Variants in MBD3 observed in about 807,000 individuals in gnomAD.
The protein encoded by MBD3 is methyl-CpG-binding domain protein 3.
MBD3 carries 13 observed loss-of-function variants against 31.2 expected under a neutral mutation model. The observed-to-expected ratio is 0.42, with a 90% CI of 0.27 to 0.66. The LOEUF (loss-of-function observed/expected upper bound fraction) is 0.66, where lower values mean the gene tolerates loss of function less well. MBD3 is among the 30% of genes least tolerant of loss of function. The pLI is 0.26. For missense variants in MBD3, 440 were observed against 426.5 expected (o/e 1.03, Z -0.28); for synonymous variants, 223 against 187.4 (o/e 1.19, Z -1.55).
rs1012473361 is a variant in MBD3 at position 1,592,710 on chromosome 19, TCCGCTG to T, written c.-85_-80del. 5 of 384,498 alleles carry T rather than the reference TCCGCTG, an allele frequency of 1.3e-5. No homozygotes were observed. The highest frequency in any genetic ancestry group is 1.4e-4 in the East Asian group (1 of 6,920). 23.8% of individuals were successfully genotyped at this position (384,498 alleles called of 1,614,324 possible). The stretch of plus-strand genomic sequence containing the variant: ...ACTCGCCGCCGCCGCCTCAGCTGCC[TCCGCTG>T]CCGCTGCCGCCGCCGCCACTTGCCG... On this transcript the variant is annotated 5_prime_UTR_variant, in exon 1 of 7. Transcript: ENST00000434436.
rs751049678 is a variant in MBD3 at position 1,575,134 on chromosome 19, G to C, written c.*3030C>G. ...GACACGTGAGGCTCTTGCTGCTGCT[G>C]GCAAGTGCCAGAAGGGCTGCCATGG... is the stretch of plus-strand genomic sequence containing the variant. On this transcript the variant is annotated 3_prime_UTR_variant, in exon 7 of 7. Coordinates refer to ENST00000434436, the MANE Select transcript of MBD3 (RefSeq NM_001281453.2). The C allele has an allele frequency of 2.4e-6, 1 of 415,028 alleles. No homozygotes were observed. The highest frequency in any genetic ancestry group is 1.7e-5 in the South Asian group (1 of 58,168). 25.7% of individuals were successfully genotyped at this position (415,028 alleles called of 1,614,324 possible). A position where few individuals can be genotyped will look rare whatever the true frequency, so the allele number is the denominator to read the frequency against.
chr19:1,578,420 A>G lies in MBD3; in HGVS notation c.796T>C (p.Cys266Arg). ...RDGEAPLDKA[C>R]AEDDDEEDEE... ...TCTTCCTCGTCGTCGTCCTCAGCGC[A>G]GGCCTTGTCCAGCGGCGCCTCCCCG... The change falls in exon 6 of 7, where the codon TGC (cysteine) becomes CGC (arginine). Residue 266 changes from cysteine (C) to arginine (R), a missense_variant. Cys to Arg is a radical substitution (Grantham distance 180). Around this residue, in one of 3 missense-constraint regions of MBD3, gnomAD observed 117 missense variants for 95.0 expected, o/e 1.23. Transcript: ENST00000434436. This position sits in a 1 kb window ranked among gnomAD's most constrained non-coding sequence, Gnocchi z 6.1. 1 of 1,605,370 alleles carries G rather than the reference A, an allele frequency of 6.2e-7. No homozygotes were observed. Among genetic ancestry groups the G allele is most frequent in the Non-Finnish European group, 8.5e-7 (1 of 1,179,722 alleles).
intron 1 of MBD3, among the ~76,000 whole-genome samples, chr19:1,590,632 G>GCTTTTGTGGAA (rs2060699262): frequency 6.6e-6 from 1 of 152,108 alleles, no homozygotes; most frequent in Non-Finnish European, 1.5e-5. Flanking sequence ...AAAAAAGGTA[G>GCTTTTGTGGAA]CTTTTGTGGA....
At chr19:1,584,503 G>C (rs1489716202) in intron 3 of MBD3, 37 bp downstream of exon 3, 1 of 1,609,578 alleles carries the variant, frequency 6.2e-7, no homozygotes. Flanking sequence ...TGAACAACCC[G>C]GCCGGGAAGG....
At position 1,576,760 on chromosome 19, in the gene MBD3, G is replaced by A. The variant is rs1313578929; in HGVS notation, c.*1404C>T. ...CCTCCACCAGGCAGACAGAGGGGAG[G>A]CCACCCCACTGCAAAGGGTCCCAGC... On this transcript the variant is annotated 3_prime_UTR_variant, in exon 7 of 7. Transcript: ENST00000434436. 2.0e-5 allele frequency: 3 copies of A among 152,314 alleles called. No homozygotes were observed. The highest frequency in any genetic ancestry group is 7.2e-5 in the African/African-American group (3 of 41,460). 9.4% of individuals were successfully genotyped at this position (152,314 alleles called of 1,614,324 possible). A position where few individuals can be genotyped will look rare whatever the true frequency, so the allele number is the denominator to read the frequency against.
intron 3 of MBD3, 114 bp downstream of exon 3, chr19:1,584,426 C>T: frequency 2.7e-6 from 4 of 1,489,242 alleles, no homozygotes; most frequent in Non-Finnish European, 3.7e-6. Flanking sequence ...CCAGGCTAGC[C>T]TGGAACTCCT....
chr19:1,585,646 GC>G lies in MBD3; in HGVS notation c.111-433del, dbSNP rs927069854. 23 of 222,220 alleles carry G rather than the reference GC, an allele frequency of 1.0e-4. No individual in the cohort carries two copies. Among genetic ancestry groups the G allele is most frequent in the African/African-American group, 5.4e-4 (23 of 42,652 alleles). 13.8% of individuals were successfully genotyped at this position (222,220 alleles called of 1,614,324 possible). A position where few individuals can be genotyped will look rare whatever the true frequency, so the allele number is the denominator to read the frequency against. ...AACGCTACTACCTACAGGGCTTTGGGCCCCGGCTCTGGGAGGATGGCTCACA... is the reference window on the plus strand; with the variant it reads ...AACGCTACTACCTACAGGGCTTTGGGCCCGGCTCTGGGAGGATGGCTCACA... On this transcript the variant is annotated intron_variant, in intron 1 of 6. Transcript: ENST00000434436. This position sits in a 1 kb window ranked among gnomAD's most constrained non-coding sequence, Gnocchi z 4.1.
At chr19:1,580,498 C>G (rs1164582603) in intron 5 of MBD3, among the ~76,000 whole-genome samples, 3 of 152,252 alleles carry the variant, frequency 2.0e-5, no homozygotes, top group Non-Finnish European at 4.4e-5. Context: ...CCGTGTGCTG[C>G]ACTGAACGTG....
rs775233092 is a variant in MBD3 at position 1,585,148 on chromosome 19, C to T, written c.177G>A (p.Leu59=). ...TGCCCGTGCGGAAGTCGAAGGTGCTCAGGTCCATGGAGCCGCCCAGGTAGC... is the reference window on the plus strand; with the variant it reads ...TGCCCGTGCGGAAGTCGAAGGTGCTTAGGTCCATGGAGCCGCCCAGGTAGC... ...LARYLGGSMD[L]STFDFRTGKM... Residue 59 remains leucine (L), a synonymous_variant, in exon 2 of 7, where the codon CTG becomes CTA. Coordinates refer to ENST00000434436, the MANE Select transcript of MBD3 (RefSeq NM_001281453.2). This position sits in a 1 kb window ranked among gnomAD's most constrained non-coding sequence, Gnocchi z 4.1. 5.0e-6 allele frequency: 8 copies of T among 1,611,104 alleles called. No homozygotes were observed. Among genetic ancestry groups the T allele is most frequent in the South Asian group, 1.1e-5 (1 of 91,052 alleles).
intron 1 of MBD3, among the ~76,000 whole-genome samples, chr19:1,588,797 AAAAAG>A (rs2060690899): frequency 6.6e-6 from 1 of 151,352 alleles, no homozygotes; most frequent in Admixed American, 6.6e-5. Flanking sequence ...AAAAAAAAAA[AAAAAG>A]GTGTAAGGCG....
At chr19:1,579,722 C>A (rs1212965190) in intron 5 of MBD3, among the ~76,000 whole-genome samples, 1 of 152,094 alleles carries the variant, frequency 6.6e-6, no homozygotes, top group Non-Finnish European at 1.5e-5. Flanking sequence ...CAGGACCCTA[C>A]CTCCTGCGGA....
chr19:1,581,611 G>A (rs1020963588), intron 4 of MBD3: 11 of 386,876 alleles, frequency 2.8e-5, no homozygotes, highest in East Asian at 6.1e-5. Context: ...CAGGTGTCAC[G>A]CTGCATACCT....
chr19:1,583,056 A>G (rs1568275382), intron 3 of MBD3, among the ~76,000 whole-genome samples: 1 of 151,920 alleles, frequency 6.6e-6, no homozygotes, highest in Non-Finnish European at 1.5e-5. Flanking sequence ...ATACAAAAAA[A>G]AGTCCGGTGT....
rs1214685011 is a variant in MBD3 at position 1,578,657 on chromosome 19, C to A, written c.678-119G>T. The A allele has an allele frequency of 5.7e-6, 9 of 1,585,654 alleles. No homozygotes were observed. Among genetic ancestry groups the A allele is most frequent in the East Asian group, 2.2e-5 (1 of 44,748 alleles). ...CCCGAGGGATCCACAGGCACCCCCC[C>A]AGGACCAGCCCTGGCCCGTGCCACC... On this transcript the variant is annotated intron_variant, in intron 5 of 6. Coordinates refer to ENST00000434436, the MANE Select transcript of MBD3 (RefSeq NM_001281453.2). The surrounding 1 kb of genome is among the most constrained non-coding windows in gnomAD (Gnocchi z 6.1).
intron 1 of MBD3, among the ~76,000 whole-genome samples, chr19:1,590,753 G>A (rs1034098648): frequency 2.0e-5 from 3 of 152,168 alleles, no homozygotes; most frequent in Non-Finnish European, 4.4e-5. Context: ...AAAACCACAC[G>A]TATAGAAAAA....
chr19:1,581,295 C>G, intron 4 of MBD3, 26 bp from the exon 5 acceptor site: 1 of 1,599,610 alleles, frequency 6.3e-7, no homozygotes, highest in Admixed American at 1.7e-5. Context: ...CAAACAGCCG[C>G]AAGTGGAGAG....
At chr19:1,584,823 CGCTCCCGCAGG>C (rs1307826480) in intron 2 of MBD3, 146 bp from the exon 3 acceptor site, 1 of 998,056 alleles carries the variant, frequency 1.0e-6, no homozygotes, top group East Asian at 3.5e-5. Flanking sequence ...CCGGGGAGGC[CGCTCCCGCAGG>C]GTCGGTCCGG....
At position 1,577,761 on chromosome 19, in the gene MBD3, C is replaced by T. The variant is rs993927417; in HGVS notation, c.*403G>A. 1.2e-4 allele frequency: 21 copies of T among 169,330 alleles called. No homozygotes were observed. Among genetic ancestry groups the T allele is most frequent in the Admixed American group, 9.3e-4 (17 of 18,188 alleles). 10.5% of individuals were successfully genotyped at this position (169,330 alleles called of 1,614,324 possible). A position where few individuals can be genotyped will look rare whatever the true frequency, so the allele number is the denominator to read the frequency against. Reference sequence around the variant, plus strand: ...GAGTTTCAAAACTACGCCTCCAGACCGAGAAACCCTCCCAGCTGTCAGCAA... The same window carrying T: ...GAGTTTCAAAACTACGCCTCCAGACTGAGAAACCCTCCCAGCTGTCAGCAA... On this transcript the variant is annotated 3_prime_UTR_variant, in exon 7 of 7. Coordinates refer to ENST00000434436, the MANE Select transcript of MBD3 (RefSeq NM_001281453.2).
Position 1,577,723 on chromosome 19 carries a change from C to G in MBD3, c.*441G>C, listed in dbSNP as rs545241659. ...ACCAGAGTCCCGTCCTCACGCTGCA[C>G]AGTGGGTGATGTGAGTTTCAAAACT... On this transcript the variant is annotated 3_prime_UTR_variant, in exon 7 of 7. Coordinates refer to ENST00000434436, the MANE Select transcript of MBD3 (RefSeq NM_001281453.2). 9.7e-5 allele frequency: 16 copies of G among 165,500 alleles called. No homozygotes were observed. The highest frequency in any genetic ancestry group is 4.8e-4 in the South Asian group (3 of 6,264). The allele number at this position is 165,500 out of a possible 1,614,324, so 10.3% of individuals were successfully genotyped here. A position where few individuals can be genotyped will look rare whatever the true frequency, so the allele number is the denominator to read the frequency against.
Sources: gnomAD v4.1 joint callset for allele counts (sites outside exome capture counted in the v4.1 genomes callset) on GRCh38, gnomAD v4.1.1 for gene constraint, gnomAD v4.1.1 regional missense constraint, Gnocchi (gnomAD v3.1) non-coding constraint, MANE v1.5 for transcripts, NCBI Gene and HGNC (gene_info 2026-07-23, HGNC 2026-07-21) for gene names.